The following AK5 variants were observed in gnomAD, a reference collection of about 807,000 sequenced individuals.
AK5 encodes the protein adenylate kinase 5, also known as adenylate kinase isoenzyme 5.
AK5 carries 27 observed loss-of-function variants against 69.5 expected under a neutral mutation model. The ratio of observed to expected loss-of-function variants is 0.39; its 90% confidence interval spans 0.29 to 0.54. The LOEUF (loss-of-function observed/expected upper bound fraction) is 0.54, where lower values mean the gene tolerates loss of function less well. AK5 is among the 20% of genes least tolerant of loss of function. AK5 has a pLI of 0.71. For missense variants in AK5, 531 were observed against 700.4 expected (o/e 0.76, Z 2.73); for synonymous variants, 260 against 244.4 (o/e 1.06, Z -0.60).
chr1:77,286,712 T>A (rs952824158), intron 1 of AK5, among the ~76,000 whole-genome samples: 5 of 151,996 alleles, frequency 3.3e-5, no homozygotes, highest in African/African-American at 1.2e-4. Context: ...CTGGGCATAA[T>A]GGTGTGCACC....
At chr1:77,312,662 C>T (rs1463564706) in intron 5 of AK5, among the ~76,000 whole-genome samples, 5 of 150,880 alleles carry the variant, frequency 3.3e-5, no homozygotes, top group African/African-American at 1.2e-4. Context: ...GGTTCATTCA[C>T]ATCACCACGG....
At chr1:77,309,339 A>G (rs947564010) in intron 5 of AK5, among the ~76,000 whole-genome samples, 1 of 152,142 alleles carries the variant, frequency 6.6e-6, no homozygotes, top group Non-Finnish European at 1.5e-5. Context: ...GTGATTAACA[A>G]TATATTCAAC....
intron 8 of AK5, among the ~76,000 whole-genome samples, chr1:77,467,364 C>T (rs1272739637): frequency 2.0e-5 from 3 of 152,222 alleles, no homozygotes; most frequent in South Asian, 2.1e-4. Flanking sequence ...AGAATTTCTC[C>T]TTCCACCCCA....
chr1:77,361,196 A>G (rs1002887328), intron 6 of AK5, among the ~76,000 whole-genome samples: 7 of 152,192 alleles, frequency 4.6e-5, no homozygotes, highest in African/African-American at 1.7e-4. Flanking sequence ...AAGCCTCTAC[A>G]GTCTCCTCTG....
At chr1:77,375,211 A>G (rs566145061) in intron 6 of AK5, among the ~76,000 whole-genome samples, 48 of 152,186 alleles carry the variant, frequency 3.2e-4, no homozygotes, top group Non-Finnish European at 6.5e-4. Flanking sequence ...CCTTACGCTC[A>G]TGATACTTGG....
At chr1:77,364,750 A>G (rs1646922547) in intron 6 of AK5, among the ~76,000 whole-genome samples, 1 of 152,186 alleles carries the variant, frequency 6.6e-6, no homozygotes, top group African/African-American at 2.4e-5. Flanking sequence ...TGTATAGGAC[A>G]TTTAGTTTAT....
At chr1:77,326,372 T>C (rs1660805205) in intron 5 of AK5, among the ~76,000 whole-genome samples, 1 of 152,188 alleles carries the variant, frequency 6.6e-6, no homozygotes, top group South Asian at 2.1e-4. Flanking sequence ...TGTTAGCTTC[T>C]TTCAGCTACG....
At chr1:77,438,613 GA>G (rs1340412831) in intron 8 of AK5, among the ~76,000 whole-genome samples, 5 of 151,948 alleles carry the variant, frequency 3.3e-5, no homozygotes, top group African/African-American at 9.7e-5. Context: ...AGCAAGAAGA[GA>G]AAAAAAGTAC....
chr1:77,556,370 G>C (rs986891159), intron 13 of AK5, among the ~76,000 whole-genome samples: 1 of 152,084 alleles, frequency 6.6e-6, no homozygotes, highest in Admixed American at 6.5e-5. Context: ...CTTTGTTTTT[G>C]AACCTTATAT....
chr1:77,443,772 A>AT (rs1340332768), intron 8 of AK5, among the ~76,000 whole-genome samples: 1 of 150,780 alleles, frequency 6.6e-6, no homozygotes, highest in Non-Finnish European at 1.5e-5. Flanking sequence ...CAAGAAAAAT[A>AT]TTTTTTTCTA....
chr1:77,486,453 T>G (rs1557628179), intron 10 of AK5, 101 bp downstream of exon 10: 2 of 798,464 alleles, frequency 2.5e-6, no homozygotes, highest in Non-Finnish European at 2.0e-6. Flanking sequence ...CCCAGCACTG[T>G]GGGAGGCCAA....
chr1:77,521,695 G>T, intron 11 of AK5, 132 bp from the exon 12 acceptor site: 1 of 621,086 alleles, frequency 1.6e-6, no homozygotes, highest in African/African-American at 1.9e-5. Context: ...AATGAAATAT[G>T]GTCAATTGCT....
chr1:77,290,720 C>A lies in AK5; in HGVS notation c.248-3073C>A, dbSNP rs564055739. Among the ~76,000 whole-genome samples, 4 of 152,326 alleles carry A rather than the reference C, an allele frequency of 2.6e-5. No homozygotes were observed. In the East Asian group the frequency reaches 7.7e-4, roughly 29 times the overall value. On this transcript the variant is annotated intron_variant, in intron 2 of 13. Transcript: ENST00000354567. The stretch of plus-strand genomic sequence containing the variant: ...TTTACTTCAAAACCAGCACTTACTT[C>A]TTTTCCTGTTTCCATGAAGTCAGCC...
chr1:77,461,499 C>T (rs1392572934), intron 8 of AK5, among the ~76,000 whole-genome samples: 2 of 151,658 alleles, frequency 1.3e-5, no homozygotes, highest in African/African-American at 2.4e-5. Context: ...TGGCCGGGCA[C>T]GGTGGCTTAC....
At chr1:77,352,140 GGGT>G (rs1171956883) in intron 6 of AK5, among the ~76,000 whole-genome samples, 1 of 152,016 alleles carries the variant, frequency 6.6e-6, no homozygotes, top group Non-Finnish European at 1.5e-5. Context: ...ATGTTGGCCA[GGGT>G]GGTCTCGAAC....
intron 6 of AK5, among the ~76,000 whole-genome samples, chr1:77,391,527 A>ATATATATATATC (rs1648486908): frequency 8.1e-6 from 1 of 122,962 alleles, no homozygotes; most frequent in African/African-American, 3.1e-5. Flanking sequence ...ATATATATAT[A>ATATATATATATC]TCTCCTCAGG....
intron 5 of AK5, among the ~76,000 whole-genome samples, chr1:77,308,083 G>A (rs1659742140): frequency 6.6e-6 from 1 of 152,056 alleles, no homozygotes; most frequent in Non-Finnish European, 1.5e-5. Flanking sequence ...GCTTTATCTC[G>A]ACTGTAAAGG....
At chr1:77,481,607 G>T (rs1557624780) in intron 8 of AK5, among the ~76,000 whole-genome samples, 1 of 152,198 alleles carries the variant, frequency 6.6e-6, no homozygotes, top group Non-Finnish European at 1.5e-5. Flanking sequence ...CCTCAAGGGA[G>T]TGTTAATACA....
intron 8 of AK5, among the ~76,000 whole-genome samples, chr1:77,442,993 T>A (rs2100639694): frequency 6.6e-6 from 1 of 152,288 alleles, no homozygotes; most frequent in Middle Eastern, 3.4e-3. Flanking sequence ...TGTCTCCATT[T>A]TTCAAGGTTG....
Sources: gnomAD v4.1 joint callset for allele counts (sites outside exome capture counted in the v4.1 genomes callset) on GRCh38, gnomAD v4.1.1 for gene constraint, MANE v1.5 for transcripts, NCBI Gene and HGNC (gene_info 2026-07-23, HGNC 2026-07-21) for gene names.